The following HTR7 variants were observed in gnomAD, a reference collection of about 807,000 sequenced individuals.
The protein encoded by HTR7 is 5-hydroxytryptamine receptor 7.
A neutral mutation model predicts 34.0 loss-of-function variants in HTR7; 16 were observed. The ratio of observed to expected loss-of-function variants is 0.47; its 90% CI spans 0.32 to 0.71. HTR7 has a LOEUF of 0.71. HTR7 is among the 30% of genes least tolerant of loss of function. The pLI is 0.04. For missense variants in HTR7, 504 were observed against 625.5 expected, an observed-to-expected ratio of 0.81 and a Z score of 2.07; for synonymous variants, 265 against 260.2, an observed-to-expected ratio of 1.02 and a Z score of -0.18.
chr10:90,743,074 G>C (rs1844579413), intron 3 of HTR7, among the ~76,000 whole-genome samples: 1 of 149,988 alleles, frequency 6.7e-6, no homozygotes, highest in South Asian at 2.1e-4. Flanking sequence ...CCACTCCCCT[G>C]ACTCTGCACC....
intron 1 of HTR7, among the ~76,000 whole-genome samples, chr10:90,751,161 T>G (rs1237085071): frequency 6.6e-6 from 1 of 152,026 alleles, no homozygotes; most frequent in South Asian, 2.1e-4. Flanking sequence ...ATTTATCAGC[T>G]GTAGTTAGGA....
intron 1 of HTR7, among the ~76,000 whole-genome samples, chr10:90,843,851 G>T (rs774942205): frequency 1.3e-5 from 2 of 152,070 alleles, no homozygotes; most frequent in Non-Finnish European, 2.9e-5. Flanking sequence ...GCTAAGAATG[G>T]TCTTTGTATT....
chr10:90,776,668 C>T (rs924556835), intron 1 of HTR7, among the ~76,000 whole-genome samples: 3 of 152,106 alleles, frequency 2.0e-5, no homozygotes, highest in African/African-American at 7.2e-5. Context: ...TGGAAAATAT[C>T]AGATTAAGAG....
intron 1 of HTR7, among the ~76,000 whole-genome samples, chr10:90,802,996 C>CTTT (rs35715510): frequency 0.011 from 940 of 88,964 alleles, 27 homozygotes; most frequent in African/African-American, 0.038. Flanking sequence ...CATTTGTGGC[C>CTTT]TTTTTTTTTT....
chr10:90,782,287 G>C (rs187723811), intron 1 of HTR7, among the ~76,000 whole-genome samples: 75 of 152,268 alleles, frequency 4.9e-4, no homozygotes, highest in African/African-American at 1.7e-3. Flanking sequence ...TTAATCTTGA[G>C]CAAACCATTG....
chr10:90,822,297 C>T (rs1845996551), intron 1 of HTR7, among the ~76,000 whole-genome samples: 1 of 152,184 alleles, frequency 6.6e-6, no homozygotes, highest in South Asian at 2.1e-4. Context: ...TTATTAGGAA[C>T]TGAAGTAAAG....
intron 1 of HTR7, among the ~76,000 whole-genome samples, chr10:90,772,461 T>TA (rs948075909): frequency 7.2e-5 from 11 of 152,272 alleles, no homozygotes; most frequent in East Asian, 3.9e-4. Context: ...TATTAGCCAT[T>TA]AAAAAACCAC....
chr10:90,747,818 C>A (rs1373094006), intron 2 of HTR7, among the ~76,000 whole-genome samples: 1 of 152,182 alleles, frequency 6.6e-6, no homozygotes. Context: ...CCAGAACCTT[C>A]CAATTTTTCA....
At chr10:90,781,302 A>G (rs1845302313) in intron 1 of HTR7, among the ~76,000 whole-genome samples, 1 of 152,254 alleles carries the variant, frequency 6.6e-6, no homozygotes, top group Non-Finnish European at 1.5e-5. Flanking sequence ...ATTAGTATAT[A>G]TAAACACATC....
chr10:90,761,643 TG>T (rs2119723523), intron 1 of HTR7, among the ~76,000 whole-genome samples: 1 of 151,976 alleles, frequency 6.6e-6, no homozygotes, highest in African/African-American at 2.4e-5. Flanking sequence ...CGTGTGTGTG[TG>T]TGTGTGTGTG....
At chr10:90,770,879 C>T (rs965837606) in intron 1 of HTR7, among the ~76,000 whole-genome samples, 1 of 152,208 alleles carries the variant, frequency 6.6e-6, no homozygotes, top group African/African-American at 2.4e-5. Flanking sequence ...GACTGGGGCT[C>T]ACGCTGCCAG....
At chr10:90,805,522 G>A (rs946524187) in intron 1 of HTR7, among the ~76,000 whole-genome samples, 1 of 152,142 alleles carries the variant, frequency 6.6e-6, no homozygotes, top group African/African-American at 2.4e-5. Context: ...CCTTTGTTTT[G>A]TTCTAAGTTC....
At chr10:90,787,368 C>G (rs140929326) in intron 1 of HTR7, among the ~76,000 whole-genome samples, 2,577 of 152,040 alleles carry the variant, frequency 0.017, 86 homozygotes, top group African/African-American at 0.058. Context: ...CGCACCTGTA[C>G]TCCCAGCTAC....
chr10:90,848,171 C>A (rs1036015252), intron 1 of HTR7, among the ~76,000 whole-genome samples: 1 of 148,012 alleles, frequency 6.8e-6, no homozygotes. Flanking sequence ...CGGGTTCAAG[C>A]GATTCTCCTG....
At chr10:90,751,007 G>C (rs1177812496) in intron 1 of HTR7, among the ~76,000 whole-genome samples, 1 of 152,168 alleles carries the variant, frequency 6.6e-6, no homozygotes, top group Non-Finnish European at 1.5e-5. Context: ...GTCAGATGAA[G>C]GGGAAAACCT....
At chr10:90,855,755 G>C (rs1846569679) in intron 1 of HTR7, among the ~76,000 whole-genome samples, 3 of 152,186 alleles carry the variant, frequency 2.0e-5, no homozygotes, top group Admixed American at 2.0e-4. Flanking sequence ...TGCAGTTCAT[G>C]CTCTGCTCTT....
chr10:90,795,164 G>A (rs1845519224), intron 1 of HTR7, among the ~76,000 whole-genome samples: 1 of 152,116 alleles, frequency 6.6e-6, no homozygotes, highest in South Asian at 2.1e-4. Flanking sequence ...CTTCCTTTGG[G>A]TATATACCAG....
chr10:90,849,549 G>A (rs7074715), intron 1 of HTR7, among the ~76,000 whole-genome samples: 32,754 of 152,054 alleles, frequency 0.22, 4,570 homozygotes, highest in African/African-American at 0.39. Flanking sequence ...GGAATGTGGC[G>A]AACAAGACAG....
intron 1 of HTR7, among the ~76,000 whole-genome samples, chr10:90,812,885 A>G (rs1845837571): frequency 6.6e-6 from 1 of 152,212 alleles, no homozygotes; most frequent in Non-Finnish European, 1.5e-5. Flanking sequence ...GGCCTGAAGT[A>G]ACTGAAGAAT....
Sources: allele counts gnomAD v4.1 joint callset (sites outside exome capture counted in the v4.1 genomes callset), GRCh38; gene constraint gnomAD v4.1.1; transcripts MANE v1.5; gene names NCBI Gene and HGNC (gene_info 2026-07-23, HGNC 2026-07-21).